Variants in PACRG observed in about 807,000 individuals in gnomAD.
PACRG encodes parkin coregulated gene protein.
Under a neutral mutation model 29.7 loss-of-function variants are expected in PACRG, and 29 were observed. That is an observed-to-expected ratio of 0.98 (90% confidence interval 0.73 to 1.33). PACRG has a LOEUF of 1.33. Among genes scored for constraint, PACRG ranks in the 40% most tolerant of loss-of-function variants. The pLI is 0.00. For missense variants in PACRG, 279 were observed against 316.2 expected, an observed-to-expected ratio of 0.88 and a Z score of 0.89; for synonymous variants, 116 against 118.7, an observed-to-expected ratio of 0.98 and a Z score of 0.15.
intron 2 of PACRG, among the ~76,000 whole-genome samples, chr6:162,873,077 A>G (rs1003782074): frequency 6.6e-6 from 1 of 152,194 alleles, no homozygotes; most frequent in Non-Finnish European, 1.5e-5. Context: ...CCAGAGATGA[A>G]CGCTTAGCTT....
At chr6:162,891,717 G>C (rs930533050) in intron 2 of PACRG, among the ~76,000 whole-genome samples, 4 of 152,200 alleles carry the variant, frequency 2.6e-5, no homozygotes, top group Admixed American at 2.6e-4. Flanking sequence ...GCACCTCTTT[G>C]GGGGGCTGTA....
intron 4 of PACRG, among the ~76,000 whole-genome samples, chr6:163,299,753 C>A (rs138944014): frequency 6.6e-6 from 1 of 152,130 alleles, no homozygotes; most frequent in Admixed American, 6.5e-5. Flanking sequence ...GGGGCGCGTG[C>A]CTGTAGTCCC....
At chr6:163,308,468 C>T (rs1383117189) in intron 4 of PACRG, among the ~76,000 whole-genome samples, 1 of 152,176 alleles carries the variant, frequency 6.6e-6, no homozygotes, top group Non-Finnish European at 1.5e-5. Context: ...GAGTTCGAGA[C>T]CAGCCTGGTC....
chr6:162,968,158 A>G (rs1382095575), intron 2 of PACRG, among the ~76,000 whole-genome samples: 1 of 152,062 alleles, frequency 6.6e-6, no homozygotes, highest in Non-Finnish European at 1.5e-5. Context: ...CTGTTTCTAT[A>G]CTCCTCAGAG....
chr6:162,906,671 A>G (rs1417925659), intron 2 of PACRG, among the ~76,000 whole-genome samples: 1 of 152,184 alleles, frequency 6.6e-6, no homozygotes, highest in East Asian at 1.9e-4. Flanking sequence ...CCTGTACATC[A>G]ATACTACAGG....
At chr6:163,246,557 T>C (rs1485888269) in intron 4 of PACRG, among the ~76,000 whole-genome samples, 1 of 152,182 alleles carries the variant, frequency 6.6e-6, no homozygotes, top group Non-Finnish European at 1.5e-5. Context: ...ACCTGTAAGA[T>C]TCCACCAACT....
At chr6:162,987,523 C>T (rs115632464) in intron 2 of PACRG, among the ~76,000 whole-genome samples, 4,446 of 152,186 alleles carry the variant, frequency 0.029, 239 homozygotes, top group African/African-American at 0.1. Flanking sequence ...ATAAGTCCCA[C>T]GAGATCTGAT....
intron 2 of PACRG, among the ~76,000 whole-genome samples, chr6:162,922,938 C>T (rs1215442826): frequency 6.6e-6 from 1 of 152,096 alleles, no homozygotes; most frequent in Non-Finnish European, 1.5e-5. Flanking sequence ...AGTGGAATGC[C>T]GGATCATGTG....
intron 4 of PACRG, chr6:163,189,853 A>G (rs1780123642): frequency 6.6e-6 from 1 of 152,214 alleles, no homozygotes; most frequent in Admixed American, 6.5e-5. Context: ...GAATGCTGAC[A>G]CACTGGTCAC....
intron 4 of PACRG, among the ~76,000 whole-genome samples, chr6:163,212,586 C>T (rs1026486361): frequency 2.6e-5 from 4 of 151,872 alleles, no homozygotes; most frequent in African/African-American, 9.7e-5. Flanking sequence ...CTTTGACCTT[C>T]AAAATAAATG....
At chr6:163,190,769 C>T in intron 4 of PACRG, 1 of 292,212 alleles carries the variant, frequency 3.4e-6, no homozygotes, top group South Asian at 3.2e-5. Context: ...ACCAAAAAGC[C>T]CACTCAAATG....
chr6:162,882,749 A>C (rs1437380358), intron 2 of PACRG, among the ~76,000 whole-genome samples: 1 of 152,042 alleles, frequency 6.6e-6, no homozygotes, highest in East Asian at 1.9e-4. Flanking sequence ...CATCCCACCA[A>C]CATGTCTTTG....
chr6:163,068,702 T>A (rs539639777), intron 3 of PACRG, among the ~76,000 whole-genome samples: 1 of 152,284 alleles, frequency 6.6e-6, no homozygotes, highest in Admixed American at 6.5e-5. Context: ...CGCTTAGTTC[T>A]ATTTCCTGAG....
intron 4 of PACRG, among the ~76,000 whole-genome samples, chr6:163,258,712 G>A (rs964709187): frequency 6.7e-6 from 1 of 150,304 alleles, no homozygotes; most frequent in Non-Finnish European, 1.5e-5. Flanking sequence ...AGCCGAGATG[G>A]CGCCACTGCA....
At chr6:162,834,983 A>G (rs1789098327) in intron 2 of PACRG, among the ~76,000 whole-genome samples, 1 of 152,070 alleles carries the variant, frequency 6.6e-6, no homozygotes, top group South Asian at 2.1e-4. Context: ...ACTTAAACGA[A>G]TATGCTTACT....
intron 2 of PACRG, among the ~76,000 whole-genome samples, chr6:162,987,550 A>C (rs1239879999): frequency 6.6e-6 from 1 of 152,030 alleles, no homozygotes; most frequent in Non-Finnish European, 1.5e-5. Flanking sequence ...CTAAAGGGCA[A>C]TTTCCCTACA....
chr6:162,841,516 A>G (rs1159009182), intron 2 of PACRG, among the ~76,000 whole-genome samples: 1 of 152,002 alleles, frequency 6.6e-6, no homozygotes, highest in South Asian at 2.1e-4. Context: ...CTAGCAGTCT[A>G]TCAATTTTGT....
intron 2 of PACRG, among the ~76,000 whole-genome samples, chr6:162,917,427 T>C (rs4443491): frequency 3.3e-5 from 5 of 152,108 alleles, no homozygotes; most frequent in African/African-American, 9.7e-5. Flanking sequence ...GGCTGGAAAA[T>C]ACAACACCTT....
At chr6:162,820,686 C>T (rs1053685149) in intron 2 of PACRG, among the ~76,000 whole-genome samples, 27 of 152,042 alleles carry the variant, frequency 1.8e-4, no homozygotes, top group Non-Finnish European at 2.8e-4. Flanking sequence ...TAAGGTAAAA[C>T]TGATATTGAC....
Sources: gnomAD v4.1 joint callset for allele counts (sites outside exome capture counted in the v4.1 genomes callset) on GRCh38, gnomAD v4.1.1 for gene constraint, MANE v1.5 for transcripts, NCBI Gene and HGNC (gene_info 2026-07-23, HGNC 2026-07-21) for gene names.